The following IMMP1L variants were observed in gnomAD, a reference collection of about 807,000 sequenced individuals.
IMMP1L encodes mitochondrial inner membrane protease subunit 1.
IMMP1L carries 24 observed loss-of-function variants against 21.8 expected under a neutral mutation model. The ratio of observed to expected loss-of-function variants is 1.10; its 90% CI spans 0.80 to 1.55. The LOEUF is 1.55. Among genes scored for constraint, IMMP1L ranks in the 40% most tolerant of loss-of-function variants. The pLI, the probability that IMMP1L is intolerant of heterozygous loss-of-function variation, is 0.00. For missense variants in IMMP1L, 195 were observed against 200.7 expected (o/e 0.97, Z 0.17); for synonymous variants, 46 against 62.8 (o/e 0.73, Z 1.26).
intron 4 of IMMP1L, among the ~76,000 whole-genome samples, chr11:31,439,314 A>G (rs1488521415): frequency 6.6e-6 from 1 of 151,678 alleles, no homozygotes; most frequent in African/African-American, 2.4e-5. Context: ...TTCAGTTTGT[A>G]TACTTTTAAT....
chr11:31,445,346 T>TAGG (rs1953477886), intron 4 of IMMP1L, among the ~76,000 whole-genome samples: 4 of 152,222 alleles, frequency 2.6e-5, no homozygotes, highest in African/African-American at 4.8e-5. Flanking sequence ...AAACTCATCC[T>TAGG]ATATGGATTT....
At chr11:31,478,204 G>A (rs917733764) in intron 1 of IMMP1L, among the ~76,000 whole-genome samples, 3 of 152,196 alleles carry the variant, frequency 2.0e-5, no homozygotes, top group Non-Finnish European at 4.4e-5. Context: ...GACAGCCTGT[G>A]CTCTGCAATA....
At chr11:31,503,880 G>A (rs1278786823) in intron 1 of IMMP1L, among the ~76,000 whole-genome samples, 1 of 152,200 alleles carries the variant, frequency 6.6e-6, no homozygotes, top group South Asian at 2.1e-4. Context: ...TGAAGAACCT[G>A]AAGACACACA....
chr11:31,488,660 G>C lies in IMMP1L; in HGVS notation c.-30+20859C>G, dbSNP rs796422466. Among the ~76,000 whole-genome samples, 8 of 152,116 alleles carry C rather than the reference G, an allele frequency of 5.3e-5. No homozygotes were observed. The South Asian group carries it at 8.3e-4, about 16-fold the overall frequency. ...TAATTTTAAGAATAAAAAAGCGGTA[G>C]AAAAGCAGAATACAATACTAGTGAT... On this transcript the variant is annotated intron_variant, in intron 1 of 5. Coordinates refer to ENST00000532287, the MANE Select transcript of IMMP1L (RefSeq NM_001304274.2).
At chr11:31,438,989 G>A (rs1330869857) in intron 4 of IMMP1L, among the ~76,000 whole-genome samples, 1 of 152,084 alleles carries the variant, frequency 6.6e-6, no homozygotes, top group African/African-American at 2.4e-5. Context: ...ACACTTTAAA[G>A]ATTTCATTTT....
intron 1 of IMMP1L, among the ~76,000 whole-genome samples, chr11:31,467,781 T>TC (rs376607700): frequency 1.7e-5 from 1 of 57,842 alleles, no homozygotes; most frequent in Non-Finnish European, 2.8e-5. Flanking sequence ...AAGTAGATAA[T>TC]TTTTTTTTTT....
intron 4 of IMMP1L, among the ~76,000 whole-genome samples, chr11:31,446,231 A>G (rs1483949999): frequency 2.6e-5 from 4 of 151,910 alleles, no homozygotes; most frequent in African/African-American, 9.7e-5. Flanking sequence ...TATTTCCTTA[A>G]TCTTTCTGCA....
At chr11:31,493,836 A>G (rs1051740547) in intron 1 of IMMP1L, among the ~76,000 whole-genome samples, 1 of 152,196 alleles carries the variant, frequency 6.6e-6, no homozygotes. Flanking sequence ...AAGTCTTCAA[A>G]CCTTAATGTT....
rs1305464634 is a variant in IMMP1L, at chr11:31,463,155, T to C, written c.105+17A>G. ...AGTATATATTTAAGATGAATATTCTTGAACATAAAAACTTACCATGACAAC... is the reference window on the plus strand; with the variant it reads ...AGTATATATTTAAGATGAATATTCTCGAACATAAAAACTTACCATGACAAC... On this transcript the variant is annotated intron_variant, in intron 2 of 5. Coordinates refer to ENST00000532287, the MANE Select transcript of IMMP1L (RefSeq NM_001304274.2). 1.1e-5 allele frequency: 18 copies of C among 1,579,614 alleles called. No individual in the cohort carries two copies. Among genetic ancestry groups the C allele is most frequent in the Admixed American group, 1.9e-5 (1 of 53,426 alleles).
intron 4 of IMMP1L, among the ~76,000 whole-genome samples, chr11:31,443,671 T>A (rs1953415039): frequency 6.6e-6 from 1 of 152,182 alleles, no homozygotes; most frequent in Admixed American, 6.5e-5. Context: ...ACTATTTTAA[T>A]ACGTACTATT....
chr11:31,464,830 TATC>T (rs1333383989), intron 1 of IMMP1L, among the ~76,000 whole-genome samples: 2 of 152,052 alleles, frequency 1.3e-5, no homozygotes, highest in Admixed American at 1.3e-4. Flanking sequence ...CCACAGCTAA[TATC>T]ATACTTAATG....
chr11:31,485,421 C>T (rs567793716), intron 1 of IMMP1L, among the ~76,000 whole-genome samples: 1 of 151,864 alleles, frequency 6.6e-6, no homozygotes, highest in East Asian at 1.9e-4. Context: ...AATAAGGATA[C>T]GCAACCTATG....
chr11:31,449,161 T>C (rs1953651282), intron 4 of IMMP1L: 2 of 775,332 alleles, frequency 2.6e-6, no homozygotes, highest in South Asian at 5.9e-5. Context: ...AGTTCTTCTA[T>C]TTAAATGACA....
At chr11:31,504,534 A>T (rs1955723822) in intron 1 of IMMP1L, among the ~76,000 whole-genome samples, 1 of 152,220 alleles carries the variant, frequency 6.6e-6, no homozygotes, top group Admixed American at 6.5e-5. Context: ...AAGAAGAAAA[A>T]CATTGTGTTG....
At chr11:31,448,845 T>C in intron 4 of IMMP1L, 2 of 568,032 alleles carry the variant, frequency 3.5e-6, no homozygotes, top group African/African-American at 2.1e-5. Flanking sequence ...GATTATTCTT[T>C]AGTGTTGACA....
intron 1 of IMMP1L, among the ~76,000 whole-genome samples, chr11:31,474,081 A>G (rs1399680803): frequency 6.6e-6 from 1 of 152,206 alleles, no homozygotes; most frequent in Non-Finnish European, 1.5e-5. Flanking sequence ...AACAAATTAC[A>G]TCATAGTTTT....
intron 4 of IMMP1L, among the ~76,000 whole-genome samples, chr11:31,454,927 C>G (rs1953890240): frequency 6.6e-6 from 1 of 152,118 alleles, no homozygotes; most frequent in African/African-American, 2.4e-5. Flanking sequence ...TCAGGAAATG[C>G]TAATAGTCAT....
At chr11:31,497,930 T>C (rs1453909033) in intron 1 of IMMP1L, among the ~76,000 whole-genome samples, 1 of 152,178 alleles carries the variant, frequency 6.6e-6, no homozygotes, top group Non-Finnish European at 1.5e-5. Context: ...CTCAAAACCT[T>C]GAGCCAGTTC....
chr11:31,502,043 A>G (rs954000521), intron 1 of IMMP1L, among the ~76,000 whole-genome samples: 1 of 152,060 alleles, frequency 6.6e-6, no homozygotes, highest in African/African-American at 2.4e-5. Context: ...TGTTGTATGA[A>G]AATATCACCG....
Sources: gnomAD v4.1 joint callset for allele counts (sites outside exome capture counted in the v4.1 genomes callset) on GRCh38, gnomAD v4.1.1 for gene constraint, MANE v1.5 for transcripts, NCBI Gene and HGNC (gene_info 2026-07-23, HGNC 2026-07-21) for gene names.